JAKMIP2: variants seen among roughly 807,000 people sequenced by gnomAD.
JAKMIP2 encodes the protein janus kinase and microtubule interacting protein 2.
In JAKMIP2, 25 loss-of-function variants were observed where a neutral mutation model predicts 115.0. The observed-to-expected ratio is 0.22, with a 90% CI of 0.16 to 0.30. The LOEUF (loss-of-function observed/expected upper bound fraction) is 0.30, where lower values mean the gene tolerates loss of function less well. Ranked by LOEUF, JAKMIP2 falls within the 10% of genes least tolerant of loss-of-function variation. The pLI, the probability that JAKMIP2 is intolerant of heterozygous loss-of-function variation, is 1.00. For synonymous variants in JAKMIP2, 334 were observed against 343.6 expected, an observed-to-expected ratio of 0.97 and a Z score of 0.31; for missense variants, 642 against 957.6, an observed-to-expected ratio of 0.67 and a Z score of 4.35.
rs200328341 is a variant in JAKMIP2 at position 147,591,595 on chromosome 5, G to C, written c.*112C>G. 12 of 1,154,168 alleles carry C rather than the reference G, an allele frequency of 1.0e-5. No homozygotes were observed. The highest frequency in any genetic ancestry group is 1.9e-4 in the Middle Eastern group (1 of 5,180). 71.5% of individuals were successfully genotyped at this position (1,154,168 alleles called of 1,614,324 possible). ...GGCTACAGGGTAGTTCTTAGCTTTT[G>C]ATCTCCCTCTCACTGGTGTAAACAA... On this transcript the variant is annotated 3_prime_UTR_variant, in exon 22 of 22. Transcript: ENST00000616793.
intron 1 of JAKMIP2, among the ~76,000 whole-genome samples, chr5:147,707,290 T>C (rs996070893): frequency 6.9e-6 from 1 of 144,660 alleles, no homozygotes; most frequent in African/African-American, 2.9e-5. Flanking sequence ...ACATGCCAAC[T>C]TAACGTTACT....
chr5:147,688,803 C>T (rs181053623), intron 1 of JAKMIP2, among the ~76,000 whole-genome samples: 2 of 152,284 alleles, frequency 1.3e-5, no homozygotes, highest in Admixed American at 1.3e-4. Flanking sequence ...GCTTCTTCAA[C>T]AAATATGTAT....
In JAKMIP2 at chr5:147,661,152, G is replaced by T; in HGVS notation, c.423C>A (p.Ala141=). The stretch of plus-strand genomic sequence containing the variant: ...GGCGCTCTGTGTCAAACAGTTTCCG[G>T]GCCTCCTCCCGGGCCTCAATGGTGA... ...TALTIEAREE[A]RKLFDTERLK... Residue 141 remains alanine (A), a synonymous_variant, in exon 3 of 22, where the codon GCC becomes GCA. Coordinates refer to ENST00000616793, the MANE Select transcript of JAKMIP2 (RefSeq NM_001270941.2). The T allele has an allele frequency of 6.2e-7, 1 of 1,613,914 alleles. No homozygotes were observed. Among genetic ancestry groups the T allele is most frequent in the Non-Finnish European group, 8.5e-7 (1 of 1,179,994 alleles).
intron 1 of JAKMIP2, among the ~76,000 whole-genome samples, chr5:147,703,933 G>A (rs1360406938): frequency 6.6e-6 from 1 of 151,366 alleles, no homozygotes; most frequent in Non-Finnish European, 1.5e-5. Context: ...TAAATGTTTT[G>A]TTAAAAACTA....
At position 147,646,436 on chromosome 5, in the gene JAKMIP2, A is replaced by G. The variant is rs182439072; in HGVS notation, c.937-1440T>C. Among the ~76,000 whole-genome samples the G allele has an allele frequency of 3.1e-3, 468 of 152,218 alleles. 5 individuals are homozygous for G. Among genetic ancestry groups the G allele is most frequent in the African/African-American group, 0.011 (443 of 41,554 alleles). ...TGAAGGTCAATGATGTGAGTTTTAA[A>G]TATTTAAATTTACTTATTAATACAA... On this transcript the variant is annotated intron_variant, in intron 5 of 21. Coordinates refer to ENST00000616793, the MANE Select transcript of JAKMIP2 (RefSeq NM_001270941.2).
chr5:147,773,551 G>A (rs764298942), intron 1 of JAKMIP2, among the ~76,000 whole-genome samples: 2 of 152,096 alleles, frequency 1.3e-5, no homozygotes, highest in African/African-American at 2.4e-5. Context: ...CAGGGGCCTC[G>A]ACTAAACCAT....
At chr5:147,748,304 T>G (rs1754425370) in intron 1 of JAKMIP2, among the ~76,000 whole-genome samples, 1 of 152,140 alleles carries the variant, frequency 6.6e-6, no homozygotes, top group Non-Finnish European at 1.5e-5. Flanking sequence ...ACAGAACAGT[T>G]TCTGGCCAAT....
At chr5:147,604,110 G>A (rs772248311) in intron 20 of JAKMIP2, among the ~76,000 whole-genome samples, 16 of 152,184 alleles carry the variant, frequency 1.1e-4, no homozygotes, top group Non-Finnish European at 1.6e-4. Flanking sequence ...TGTGGTCTTT[G>A]ACAAACAGGG....
intron 4 of JAKMIP2, among the ~76,000 whole-genome samples, chr5:147,649,921 G>A (rs1320788143): frequency 1.3e-5 from 2 of 152,062 alleles, no homozygotes; most frequent in African/African-American, 4.8e-5. Flanking sequence ...ATTAAAAATG[G>A]TTTTGTCTTT....
At chr5:147,636,329 C>G (rs6580491) in intron 11 of JAKMIP2, 45 bp from the exon 12 acceptor site, 2 of 1,519,560 alleles carry the variant, frequency 1.3e-6, no homozygotes, top group East Asian at 2.3e-5. Flanking sequence ...CAGAGTGGCA[C>G]GAAAGAGCCT....
chr5:147,625,284 G>C (rs1384125492), intron 16 of JAKMIP2, among the ~76,000 whole-genome samples: 1 of 152,118 alleles, frequency 6.6e-6, no homozygotes, highest in African/African-American at 2.4e-5. Context: ...CCCAGCCCCA[G>C]ATAGTTCTTT....
Position 147,644,472 on chromosome 5 carries a change from G to A in JAKMIP2, c.1084-274C>T, listed in dbSNP as rs1758030445. 5.3e-5 allele frequency among the ~76,000 whole-genome samples: 8 copies of A among 152,290 alleles called. No homozygotes were observed. In the South Asian group the frequency reaches 1.7e-3, roughly 32 times the overall value. On this transcript the variant is annotated intron_variant, in intron 6 of 21. Transcript: ENST00000616793. ...CTTGTCCGCATATAACACAAGTAAT[G>A]GTATCTATTTCCCAAATATCATGCA...
intron 12 of JAKMIP2, among the ~76,000 whole-genome samples, chr5:147,634,712 T>C (rs1757527439): frequency 6.6e-6 from 1 of 152,164 alleles, no homozygotes; most frequent in Admixed American, 6.5e-5. Flanking sequence ...ATATAACATA[T>C]ACATCATCTA....
At chr5:147,778,166 T>G (rs569207507) in intron 1 of JAKMIP2, among the ~76,000 whole-genome samples, 1 of 152,200 alleles carries the variant, frequency 6.6e-6, no homozygotes, top group East Asian at 1.9e-4. Context: ...ATCTATAAAA[T>G]AAGTGCATAT....
At chr5:147,721,876 C>T (rs987144548) in intron 1 of JAKMIP2, among the ~76,000 whole-genome samples, 2 of 151,956 alleles carry the variant, frequency 1.3e-5, no homozygotes, top group Non-Finnish European at 2.9e-5. Flanking sequence ...CTCCTCCAGG[C>T]CCTTAAAATT....
At position 147,709,443 on chromosome 5, in the gene JAKMIP2, C is replaced by T. The variant is rs189204596; in HGVS notation, c.-148-37489G>A. Among the ~76,000 whole-genome samples the T allele has an allele frequency of 3.9e-4, 59 of 151,706 alleles. No individual in the cohort carries two copies. The East Asian group carries it at 7.7e-3, about 20-fold the overall frequency. On this transcript the variant is annotated intron_variant, in intron 1 of 21. Transcript: ENST00000616793. ...AAAAACACCTATATAAATATGCACA[C>T]GTATATATACTGATGTATACAGTAT...
chr5:147,739,672 A>C (rs892154800), intron 1 of JAKMIP2, among the ~76,000 whole-genome samples: 1 of 152,192 alleles, frequency 6.6e-6, no homozygotes, highest in African/African-American at 2.4e-5. Flanking sequence ...TGGTTCAAGC[A>C]ATACCTTCTC....
At chr5:147,780,641 T>C (rs1755721736) in intron 1 of JAKMIP2, among the ~76,000 whole-genome samples, 1 of 152,176 alleles carries the variant, frequency 6.6e-6, no homozygotes, top group African/African-American at 2.4e-5. Context: ...TATGGATCTA[T>C]AATATATAAC....
chr5:147,638,818 A>G (rs1484560711), intron 10 of JAKMIP2, among the ~76,000 whole-genome samples: 1 of 152,032 alleles, frequency 6.6e-6, no homozygotes, highest in Non-Finnish European at 1.5e-5. Flanking sequence ...AAATAATTTA[A>G]CTTCACTAAA....
Sources: gnomAD v4.1 joint callset for allele counts (sites outside exome capture counted in the v4.1 genomes callset) on GRCh38, gnomAD v4.1.1 for gene constraint, MANE v1.5 for transcripts, NCBI Gene and HGNC (gene_info 2026-07-23, HGNC 2026-07-21) for gene names.